Variants in YTHDF3 observed in about 807,000 individuals in gnomAD.
The protein encoded by YTHDF3 is YTH domain-containing family protein 3.
In YTHDF3, 9 loss-of-function variants were observed where a neutral mutation model predicts 52.5. The ratio of observed to expected loss-of-function variants is 0.17; its 90% confidence interval spans 0.10 to 0.30. The LOEUF (loss-of-function observed/expected upper bound fraction) is 0.30, where lower values mean the gene tolerates loss of function less well. Ranked by LOEUF, YTHDF3 falls within the 10% of genes least tolerant of loss-of-function variation. The pLI is 1.00. For synonymous variants in YTHDF3, 274 were observed against 243.3 expected (o/e 1.13, Z -1.18); for missense variants, 534 against 715.0 (o/e 0.75, Z 2.89).
At chr8:63,171,130 G>C (rs1036287070) in intron 2 of YTHDF3, among the ~76,000 whole-genome samples, 1 of 151,960 alleles carries the variant, frequency 6.6e-6, no homozygotes, top group African/African-American at 2.4e-5. Context: ...TTTCCCCCTT[G>C]TTGTTCAGTT....
intron 3 of YTHDF3, among the ~76,000 whole-genome samples, chr8:63,179,631 C>CA (rs1807943261): frequency 6.6e-6 from 1 of 152,210 alleles, no homozygotes; most frequent in Non-Finnish European, 1.5e-5. Flanking sequence ...TCTACACAGA[C>CA]ACGGCAACCA....
Position 63,187,691 on chromosome 8 carries a change from T to C in YTHDF3, c.1680T>C (p.Phe560=), listed in dbSNP as rs902668902. 1.2e-6 allele frequency: 2 copies of C among 1,611,970 alleles called. No individual in the cohort carries two copies. The highest frequency in any genetic ancestry group is 1.3e-5 in the African/African-American group (1 of 74,898). ...IATFKHTTSI[F]DDFAHYEKRQ... ...CTTTCAAGCATACCACCTCAATCTT[T>C]GATGACTTTGCACATTATGAAAAGC... Residue 560 remains phenylalanine, a synonymous_variant, in exon 4 of 5, where the codon TTT becomes TTC. Coordinates refer to ENST00000539294, the MANE Select transcript of YTHDF3 (RefSeq NM_152758.6).
At chr8:63,180,839 C>T (rs1292925724) in intron 3 of YTHDF3, among the ~76,000 whole-genome samples, 3 of 152,208 alleles carry the variant, frequency 2.0e-5, no homozygotes, top group African/African-American at 4.8e-5. Flanking sequence ...TCAGGCGTGG[C>T]GGCAAGCGCC....
chr8:63,168,810 C>T lies in YTHDF3; in HGVS notation c.-68C>T. The T allele has an allele frequency of 6.5e-7, 1 of 1,550,308 alleles. No homozygotes were observed. The highest frequency in any genetic ancestry group is 1.2e-5 in the South Asian group (1 of 84,048). ...TCACTCGGCCAAGGGCGACAGCCAA[C>T]TGCTGTGAGTGCACGGGGAGAGGCC... On this transcript the variant is annotated 5_prime_UTR_variant, in exon 1 of 5. Transcript: ENST00000539294.
intron 4 of YTHDF3, among the ~76,000 whole-genome samples, chr8:63,193,799 G>A (rs1039949987): frequency 1.3e-5 from 2 of 152,114 alleles, no homozygotes; most frequent in Non-Finnish European, 2.9e-5. Flanking sequence ...CATTCATTTG[G>A]CAAAATTAAG....
chr8:63,173,797 A>G (rs192908575), intron 2 of YTHDF3: 199 of 423,124 alleles, frequency 4.7e-4, no homozygotes, highest in African/African-American at 4.1e-3. Flanking sequence ...TTTAAATTCC[A>G]TGGAGCATAT....
At chr8:63,192,120 C>T (rs1380117803) in intron 4 of YTHDF3, among the ~76,000 whole-genome samples, 1 of 152,148 alleles carries the variant, frequency 6.6e-6, no homozygotes, top group African/African-American at 2.4e-5. Flanking sequence ...CCAAACCCTC[C>T]CTTATATACT....
At chr8:63,182,970 T>C (rs896963265) in intron 3 of YTHDF3, among the ~76,000 whole-genome samples, 11 of 151,612 alleles carry the variant, frequency 7.3e-5, no homozygotes, top group Non-Finnish European at 1.2e-4. Context: ...TTTTTTTTTT[T>C]CTTTTTTGAG....
In YTHDF3 at chr8:63,186,184, C is replaced by T; in HGVS notation, c.173C>T (p.Pro58Leu). The T allele has an allele frequency of 6.2e-7, 1 of 1,613,834 alleles. No homozygotes were observed. The highest frequency in any genetic ancestry group is 8.5e-7 in the Non-Finnish European group (1 of 1,179,818). The change falls in exon 4 of 5, where the codon CCT becomes CTT. Residue 58 changes from proline (P) to leucine (L), a missense_variant. Pro to Leu is a moderately conservative substitution (Grantham distance 98). This residue lies in a region of YTHDF3 where 196 missense variants were observed against 299.5 expected (regional missense o/e 0.65). Transcript: ENST00000539294. ...SYPPMSDPYMPSYYAPSIGFP... is the reference protein window; with the variant it reads ...SYPPMSDPYMLSYYAPSIGFP... ...CCACCAATGTCAGATCCATACATGCCTAGTTACTATGCTCCATCCATTGGA... is the reference window on the plus strand; with the variant it reads ...CCACCAATGTCAGATCCATACATGCTTAGTTACTATGCTCCATCCATTGGA...
At position 63,186,742 on chromosome 8, in the gene YTHDF3, A is replaced by G; in HGVS notation, c.731A>G (p.Lys244Arg). The part of the protein sequence containing the change: ...KPTSWAAIAR[K>R]PAKPQPKLKP... ...ACCTCCTGGGCTGCCATTGCCAGAA[A>G]GCCTGCCAAACCTCAACCGAAACTT... The change falls in exon 4 of 5, where the codon AAG becomes AGG. Residue 244 changes from lysine (K) to arginine (R), a missense_variant. Coordinates refer to ENST00000539294, the MANE Select transcript of YTHDF3 (RefSeq NM_152758.6). 5.6e-6 allele frequency: 9 copies of G among 1,613,978 alleles called. No homozygotes were observed. Among genetic ancestry groups the G allele is most frequent in the Non-Finnish European group, 5.9e-6 (7 of 1,179,880 alleles).
chr8:63,195,928 A>G (rs1809209560), intron 4 of YTHDF3, among the ~76,000 whole-genome samples: 1 of 152,018 alleles, frequency 6.6e-6, no homozygotes. Context: ...CAGTCTCCCA[A>G]GTACCTGTGA....
At chr8:63,178,500 A>G (rs1211183596) in intron 3 of YTHDF3, among the ~76,000 whole-genome samples, 4 of 152,248 alleles carry the variant, frequency 2.6e-5, no homozygotes, top group African/African-American at 9.6e-5. Context: ...TGTTGGAGCA[A>G]AACATTTGTA....
chr8:63,169,409 A>G lies in YTHDF3; in HGVS notation c.47A>G (p.Lys16Arg). 1 of 1,600,460 alleles carries G rather than the reference A, an allele frequency of 6.2e-7. No homozygotes were observed. Among genetic ancestry groups the G allele is most frequent in the Non-Finnish European group, 8.5e-7 (1 of 1,172,402 alleles). Residue 16 changes from lysine to arginine, a missense_variant and splice_region_variant, in exon 2 of 5, where the codon AAA becomes AGA. Lys to Arg is a conservative substitution (Grantham distance 26, BLOSUM62 2). Around this residue, in one of 3 missense-constraint regions of YTHDF3, gnomAD observed 196 missense variants for 299.5 expected, o/e 0.65. Coordinates refer to ENST00000539294, the MANE Select transcript of YTHDF3 (RefSeq NM_152758.6). Reference protein sequence around the residue: ...VDQRPKGQGNKVSVQNGSIHQ... With the variant: ...VDQRPKGQGNRVSVQNGSIHQ... ...CAGAGACCTAAAGGGCAAGGAAATA[A>G]AGGTGAGTTTGGATTTTTTTTTTTC...
intron 4 of YTHDF3, 114 bp from the exon 5 acceptor site, chr8:63,209,569 C>T: frequency 6.6e-6 from 7 of 1,055,230 alleles, no homozygotes; most frequent in Non-Finnish European, 8.0e-6. Context: ...TGAATTAGTA[C>T]TTGAACTTTA....
intron 4 of YTHDF3, among the ~76,000 whole-genome samples, chr8:63,195,954 A>G (rs566498261): frequency 2.0e-5 from 3 of 152,134 alleles, no homozygotes; most frequent in South Asian, 2.1e-4. Flanking sequence ...GGCATGCGCC[A>G]CCATGCCCAT....
chr8:63,169,281 C>G, intron 1 of YTHDF3, 106 bp from the exon 2 acceptor site: 1 of 1,444,428 alleles, frequency 6.9e-7, no homozygotes, highest in East Asian at 2.5e-5. Context: ...TTTACTCCTA[C>G]GCGGATAGTC....
chr8:63,209,661 G>A, intron 4 of YTHDF3, 22 bp from the exon 5 acceptor site: 1 of 1,547,390 alleles, frequency 6.5e-7, no homozygotes, highest in South Asian at 1.2e-5. Flanking sequence ...CTTTTTGTGT[G>A]TGTGTGTTTT....
chr8:63,179,235 T>A (rs1459236986), intron 3 of YTHDF3, among the ~76,000 whole-genome samples: 3 of 152,106 alleles, frequency 2.0e-5, no homozygotes, highest in Non-Finnish European at 1.5e-5. Context: ...TTTTTTTTTT[T>A]TTATTGATCA....
chr8:63,170,583 G>A (rs542840079), intron 2 of YTHDF3, among the ~76,000 whole-genome samples: 183 of 151,968 alleles, frequency 1.2e-3, no homozygotes, highest in African/African-American at 4.2e-3. Flanking sequence ...ATAAAAATTG[G>A]ATATTGATTT....
Sources: allele counts gnomAD v4.1 joint callset (sites outside exome capture counted in the v4.1 genomes callset), GRCh38; gene constraint gnomAD v4.1.1; regional missense constraint gnomAD v4.1.1; transcripts MANE v1.5; gene names NCBI Gene and HGNC (gene_info 2026-07-23, HGNC 2026-07-21).